Variants in SPON1 observed in about 807,000 individuals in gnomAD.
SPON1 encodes spondin 1.
Under a neutral mutation model 111.7 loss-of-function variants are expected in SPON1, and 52 were observed. The ratio of observed to expected loss-of-function variants is 0.47; its 90% CI spans 0.37 to 0.59. The LOEUF is 0.59. Among genes scored for constraint, SPON1 ranks in the 20% least tolerant of loss-of-function variants. SPON1 has a pLI of 0.00. For missense variants in SPON1, 957 were observed against 1,068.5 expected, an observed-to-expected ratio of 0.90 and a Z score of 1.46; for synonymous variants, 410 against 395.8, an observed-to-expected ratio of 1.04 and a Z score of -0.43.
rs550041347 is a variant in SPON1 at position 14,145,721 on chromosome 11, A to T, written c.825+10153A>T. ...TTCTGAAATAGTCTTGTGCAAAAGT[A>T]TATGAGGAAGAATATTCATTATAGT... On this transcript the variant is annotated intron_variant, in intron 6 of 15. Coordinates refer to ENST00000576479, the MANE Select transcript of SPON1 (RefSeq NM_006108.4). Among the ~76,000 whole-genome samples the T allele has an allele frequency of 7.2e-5, 11 of 152,330 alleles. No individual in the cohort carries two copies. The East Asian group carries it at 2.1e-3, about 29-fold the overall frequency.
At chr11:14,105,476 TATA>T (rs1476722170) in intron 5 of SPON1, among the ~76,000 whole-genome samples, 2 of 152,186 alleles carry the variant, frequency 1.3e-5, no homozygotes, top group Admixed American at 6.5e-5. Context: ...CTGAAATAGA[TATA>T]ATGTCTTTCT....
At chr11:14,137,402 C>T (rs552571102) in intron 6 of SPON1, among the ~76,000 whole-genome samples, 2 of 152,222 alleles carry the variant, frequency 1.3e-5, no homozygotes, top group South Asian at 2.1e-4. Flanking sequence ...GACAAACAGT[C>T]GTAATAATAA....
At chr11:14,199,464 T>A (rs1284655156) in intron 6 of SPON1, among the ~76,000 whole-genome samples, 5 of 151,638 alleles carry the variant, frequency 3.3e-5, no homozygotes, top group Non-Finnish European at 7.4e-5. Flanking sequence ...TACTCCTCTA[T>A]CTCTTTCCTG....
chr11:13,985,549 C>T (rs1848175960), intron 2 of SPON1, among the ~76,000 whole-genome samples: 1 of 152,148 alleles, frequency 6.6e-6, no homozygotes, highest in Admixed American at 6.5e-5. Flanking sequence ...TGGGTACCTG[C>T]CTGTGACCAC....
chr11:13,991,997 T>C (rs1447613762), intron 2 of SPON1, among the ~76,000 whole-genome samples: 4 of 152,124 alleles, frequency 2.6e-5, no homozygotes, highest in Non-Finnish European at 5.9e-5. Context: ...TGTCTGTTGG[T>C]TCCTACTGGG....
At chr11:14,047,748 C>G (rs1276674555) in intron 3 of SPON1, among the ~76,000 whole-genome samples, 4 of 152,136 alleles carry the variant, frequency 2.6e-5, no homozygotes, top group Admixed American at 2.6e-4. Flanking sequence ...GAAGTGAGAG[C>G]AAACATGGCA....
In SPON1 at chr11:13,992,904, A is replaced by G. The variant is rs76638758; in HGVS notation, c.345+9951A>G. On this transcript the variant is annotated intron_variant, in intron 2 of 15. Transcript: ENST00000576479. ...TGCACCCACTGTCCAACCAGTCCCA[A>G]TGAGATGAACCAGGTACCTCAGTTG... is the stretch of plus-strand genomic sequence containing the variant. 1.3e-4 allele frequency among the ~76,000 whole-genome samples: 20 copies of G among 152,050 alleles called. No individual in the cohort carries two copies. In the East Asian group the frequency reaches 3.7e-3, roughly 28 times the overall value.
At position 14,107,316 on chromosome 11, in the gene SPON1, C is replaced by T. The variant is rs567617607; in HGVS notation, c.676+27295C>T. ...AGAGAAATAATGTTCCTTTATCCGC[C>T]CACACACATTGATATTCAAGGCACA... is the stretch of plus-strand genomic sequence containing the variant. On this transcript the variant is annotated intron_variant, in intron 5 of 15. Coordinates refer to ENST00000576479, the MANE Select transcript of SPON1 (RefSeq NM_006108.4). Among the ~76,000 whole-genome samples, 3 of 152,162 alleles carry T rather than the reference C, an allele frequency of 2.0e-5. No homozygotes were observed. The East Asian group carries it at 5.8e-4, about 29-fold the overall frequency.
At chr11:14,122,408 C>T (rs985649188) in intron 5 of SPON1, among the ~76,000 whole-genome samples, 2 of 152,114 alleles carry the variant, frequency 1.3e-5, no homozygotes, top group Middle Eastern at 3.2e-3. Context: ...CTCCTGACCT[C>T]GTGATCTGCC....
At chr11:14,128,182 A>G (rs1001202078) in intron 5 of SPON1, among the ~76,000 whole-genome samples, 6 of 152,200 alleles carry the variant, frequency 3.9e-5, no homozygotes, top group African/African-American at 1.2e-4. Flanking sequence ...GTCTCAACTC[A>G]TTCCAGCACT....
chr11:14,092,529 C>A (rs1248094379), intron 5 of SPON1, among the ~76,000 whole-genome samples: 1 of 152,106 alleles, frequency 6.6e-6, no homozygotes, highest in African/African-American at 2.4e-5. Flanking sequence ...CCACATCTGC[C>A]GAGGCTCTTC....
intron 2 of SPON1, among the ~76,000 whole-genome samples, chr11:14,028,420 C>T (rs111933075): frequency 2.0e-5 from 3 of 151,880 alleles, no homozygotes; most frequent in African/African-American, 7.2e-5. Context: ...TTATAGTGAG[C>T]TATGATCTTG....
chr11:14,018,875 C>T (rs973750890), intron 2 of SPON1, among the ~76,000 whole-genome samples: 1 of 152,178 alleles, frequency 6.6e-6, no homozygotes, highest in Admixed American at 6.5e-5. Flanking sequence ...GAAGCAGCAG[C>T]TTAGTCATGA....
intron 3 of SPON1, among the ~76,000 whole-genome samples, chr11:14,065,216 C>T (rs1216083393): frequency 6.6e-6 from 1 of 152,190 alleles, no homozygotes; most frequent in Admixed American, 6.5e-5. Flanking sequence ...AAGGACCTTG[C>T]TCTGTCACCT....
chr11:13,999,403 C>T (rs1848298491), intron 2 of SPON1, among the ~76,000 whole-genome samples: 1 of 151,460 alleles, frequency 6.6e-6, no homozygotes, highest in Admixed American at 6.6e-5. Flanking sequence ...TCTTGATACA[C>T]ATTGCTGTAT....
At chr11:13,982,382 C>A (rs1445435855) in intron 1 of SPON1, among the ~76,000 whole-genome samples, 1 of 152,146 alleles carries the variant, frequency 6.6e-6, no homozygotes, top group Non-Finnish European at 1.5e-5. Flanking sequence ...CTGGGAAATG[C>A]AGTGTAGCTG....
In SPON1 at chr11:14,135,219, T is replaced by A; in HGVS notation, c.677-201T>A. 2.0e-6 allele frequency: 1 copy of A among 504,616 alleles called. No homozygotes were observed. The highest frequency in any genetic ancestry group is 4.3e-5 in the South Asian group (1 of 23,332). The allele number at this position is 504,616 out of a possible 1,614,324, so 31.3% of individuals were successfully genotyped here. ...CTGCGTCTTGTTCAACATCTGCTGT[T>A]GACCTGTCTGTACATTCCCAAGACC... On this transcript the variant is annotated intron_variant, in intron 5 of 15. Coordinates refer to ENST00000576479, the MANE Select transcript of SPON1 (RefSeq NM_006108.4). This position sits in a 1 kb window ranked among gnomAD's most constrained non-coding sequence, Gnocchi z 4.4.
In SPON1 at chr11:14,113,568, A is replaced by ATTTT. The variant is rs782780924; in HGVS notation, c.677-21803_677-21800dup. Among the ~76,000 whole-genome samples, 84 of 74,692 alleles carry ATTTT rather than the reference A, an allele frequency of 1.1e-3. 5 individuals are homozygous for ATTTT. The highest frequency in any genetic ancestry group is 1.7e-3 in the Non-Finnish European group (65 of 37,728). 49.0% of individuals were successfully genotyped at this position (74,692 alleles called of 152,430 possible). A position where few individuals can be genotyped will look rare whatever the true frequency, so the allele number is the denominator to read the frequency against. On this transcript the variant is annotated intron_variant, in intron 5 of 15. Coordinates refer to ENST00000576479, the MANE Select transcript of SPON1 (RefSeq NM_006108.4). ...AAGTCACCTCCTATGTACTTTTTAAATTTTTTTTTTTTTTTTTTTTTTTTT... is the reference window on the plus strand; with the variant it reads ...AAGTCACCTCCTATGTACTTTTTAAATTTTTTTTTTTTTTTTTTTTTTTTTTTTT...
intron 2 of SPON1, among the ~76,000 whole-genome samples, chr11:13,999,382 A>T (rs1554912193): frequency 6.6e-6 from 1 of 151,506 alleles, no homozygotes; most frequent in African/African-American, 2.4e-5. Context: ...TGGATCAAAG[A>T]GTTTTTAGGC....
Sources: gnomAD v4.1 joint callset for allele counts (sites outside exome capture counted in the v4.1 genomes callset) on GRCh38, gnomAD v4.1.1 for gene constraint, Gnocchi (gnomAD v3.1) non-coding constraint, MANE v1.5 for transcripts, NCBI Gene and HGNC (gene_info 2026-07-23, HGNC 2026-07-21) for gene names.